Variants in FYN observed in about 807,000 individuals in gnomAD.
FYN encodes the protein tyrosine-protein kinase Fyn.
FYN carries 10 observed loss-of-function variants against 70.2 expected under a neutral mutation model. That is an observed-to-expected ratio of 0.14 (90% CI 0.09 to 0.24). The LOEUF is 0.24. Among genes scored for constraint, FYN ranks in the 10% least tolerant of loss-of-function variants. The pLI is 1.00. For missense variants in FYN, 319 were observed against 673.1 expected (o/e 0.47, Z 5.82); for synonymous variants, 236 against 248.6 (o/e 0.95, Z 0.48).
intron 3 of FYN, among the ~76,000 whole-genome samples, chr6:111,732,568 T>TC (rs1412399259): frequency 1.3e-5 from 2 of 152,150 alleles, no homozygotes; most frequent in African/African-American, 2.4e-5. Flanking sequence ...CACCCCACCC[T>TC]CCTCCATCAT....
chr6:111,691,610 C>T (rs1443451222), intron 12 of FYN, among the ~76,000 whole-genome samples: 1 of 152,182 alleles, frequency 6.6e-6, no homozygotes, highest in Non-Finnish European at 1.5e-5. Context: ...CCTCGTAAAG[C>T]AGCCAGGGCA....
intron 3 of FYN, among the ~76,000 whole-genome samples, chr6:111,773,631 GA>G (rs1387567395): frequency 9.2e-5 from 3 of 32,452 alleles, no homozygotes; most frequent in African/African-American, 5.5e-4. Context: ...GGGGAAAGGA[GA>G]GGGGGAGGGG....
At position 111,707,694 on chromosome 6, in the gene FYN, T is replaced by C. The variant is rs187382978; in HGVS notation, c.443+228A>G. ...TTTTACTGGCTTTTCATTTAGGGTA[T>C]TGATAGAAAGTTTTCTTTCAAAATA... On this transcript the variant is annotated intron_variant, in intron 6 of 13. Coordinates refer to ENST00000354650, the MANE Select transcript of FYN (RefSeq NM_002037.5). Among the ~76,000 whole-genome samples the C allele has an allele frequency of 1.8e-3, 271 of 152,334 alleles. 1 individual carries two copies. The highest frequency in any genetic ancestry group is 6.1e-3 in the African/African-American group (254 of 41,578).
chr6:111,703,335 T>C (rs2128445992), intron 7 of FYN, among the ~76,000 whole-genome samples: 1 of 152,308 alleles, frequency 6.6e-6, no homozygotes. Context: ...CCAACACTCC[T>C]TTCCCCCAAG....
chr6:111,670,195 G>C (rs1265828666), intron 13 of FYN, among the ~76,000 whole-genome samples: 1 of 152,196 alleles, frequency 6.6e-6, no homozygotes, highest in East Asian at 1.9e-4. Context: ...GGCCTTATCT[G>C]ATTTGCCCCT....
intron 1 of FYN, among the ~76,000 whole-genome samples, chr6:111,866,702 TTTG>T (rs1427908352): frequency 6.6e-6 from 1 of 152,240 alleles, no homozygotes; most frequent in Non-Finnish European, 1.5e-5. Flanking sequence ...ACCTGGTGAC[TTTG>T]CCATCTTGGA....
chr6:111,844,383 C>CA (rs1773456278), intron 2 of FYN, among the ~76,000 whole-genome samples: 1 of 152,154 alleles, frequency 6.6e-6, no homozygotes, highest in African/African-American at 2.4e-5. Context: ...TTTACTTATA[C>CA]AACAGATGCA....
intron 2 of FYN, among the ~76,000 whole-genome samples, chr6:111,807,967 G>A (rs1483421842): frequency 1.3e-5 from 2 of 152,098 alleles, no homozygotes; most frequent in Non-Finnish European, 1.5e-5. Flanking sequence ...AATTAGCCAG[G>A]TGTGGTGGCA....
Position 111,661,928 on chromosome 6 carries a change from C to T in FYN, c.1425G>A (p.Val475=), listed in dbSNP as rs775660992. 4 of 1,612,478 alleles carry T rather than the reference C, an allele frequency of 2.5e-6. No individual in the cohort carries two copies. Among genetic ancestry groups the T allele is most frequent in the African/African-American group, 2.7e-5 (2 of 74,920 alleles). ...TGTAGCCTCGCTCCACCTGCTCCAG[C>T]ACCTCCCGGTTGTTCATGCCTGCAA... ...VPYPGMNNRE[V]LEQVERGYRM... is the part of the protein sequence containing the mutation. The change falls in exon 14 of 14, where the codon GTG becomes GTA. Residue 475 remains valine (V), a synonymous_variant. Coordinates refer to ENST00000354650, the MANE Select transcript of FYN (RefSeq NM_002037.5). This position sits in a 1 kb window ranked among gnomAD's most constrained non-coding sequence, Gnocchi z 4.0.
intron 2 of FYN, among the ~76,000 whole-genome samples, chr6:111,844,001 T>C (rs1773444161): frequency 6.6e-6 from 1 of 152,096 alleles, no homozygotes; most frequent in Non-Finnish European, 1.5e-5. Flanking sequence ...AAATATTATA[T>C]AAACTCCAAA....
chr6:111,863,925 T>C (rs1774033578), intron 1 of FYN, among the ~76,000 whole-genome samples: 1 of 152,176 alleles, frequency 6.6e-6, no homozygotes, highest in Non-Finnish European at 1.5e-5. Flanking sequence ...TTTGCTTCCT[T>C]CCTTGTCTTC....
At chr6:111,719,364 A>C (rs1267753831) in intron 4 of FYN, among the ~76,000 whole-genome samples, 1 of 152,040 alleles carries the variant, frequency 6.6e-6, no homozygotes, top group Non-Finnish European at 1.5e-5. Flanking sequence ...GTGAGTGGGA[A>C]GAGGGAGTAC....
intron 3 of FYN, among the ~76,000 whole-genome samples, 179 bp downstream of exon 3, chr6:111,780,387 A>G (rs935222994): frequency 3.3e-5 from 5 of 152,244 alleles, no homozygotes; most frequent in African/African-American, 1.2e-4. Flanking sequence ...TATCAGCAAT[A>G]ACAAGAAAAA....
intron 3 of FYN, among the ~76,000 whole-genome samples, chr6:111,738,613 T>C (rs1801810067): frequency 6.6e-6 from 1 of 152,326 alleles, no homozygotes; most frequent in African/African-American, 2.4e-5. Context: ...TGGTCACCCC[T>C]AGCTGTCTGA....
intron 13 of FYN, among the ~76,000 whole-genome samples, chr6:111,669,195 G>A (rs1417096594): frequency 6.6e-6 from 1 of 152,094 alleles, no homozygotes; most frequent in Non-Finnish European, 1.5e-5. Context: ...AGCACTTTGG[G>A]AGGCCAAGGA....
chr6:111,845,899 T>A (rs1163055140), intron 2 of FYN, among the ~76,000 whole-genome samples: 1 of 152,108 alleles, frequency 6.6e-6, no homozygotes, highest in Non-Finnish European at 1.5e-5. Flanking sequence ...AGAGAAAGAA[T>A]GCATTCACAG....
intron 1 of FYN, among the ~76,000 whole-genome samples, chr6:111,853,772 T>A (rs1478491394): frequency 6.6e-6 from 1 of 152,180 alleles, no homozygotes; most frequent in Non-Finnish European, 1.5e-5. Context: ...AAGTGCTTCA[T>A]CATGACAGGC....
intron 3 of FYN, among the ~76,000 whole-genome samples, chr6:111,767,490 C>T (rs1212362122): frequency 6.6e-6 from 1 of 152,182 alleles, no homozygotes; most frequent in Non-Finnish European, 1.5e-5. Context: ...CAACCTCTGC[C>T]TCCCGGGTTC....
intron 2 of FYN, chr6:111,798,232 T>C (rs933238596): frequency 1.7e-4 from 26 of 152,194 alleles, no homozygotes; most frequent in Non-Finnish European, 3.5e-4. Flanking sequence ...ACATAGCACC[T>C]CTACTGTGCA....
Sources: allele counts gnomAD v4.1 joint callset (sites outside exome capture counted in the v4.1 genomes callset), GRCh38; gene constraint gnomAD v4.1.1; non-coding constraint Gnocchi (gnomAD v3.1); transcripts MANE v1.5; gene names NCBI Gene and HGNC (gene_info 2026-07-23, HGNC 2026-07-21).